PRDM11: variants seen among roughly 807,000 people sequenced by gnomAD.
PRDM11 encodes the protein PR domain-containing protein 11.
PRDM11 carries 20 observed loss-of-function variants against 97.8 expected under a neutral mutation model. That is an observed-to-expected ratio of 0.20 (90% confidence interval 0.14 to 0.30). PRDM11 has a LOEUF of 0.30. PRDM11 is among the 10% of genes least tolerant of loss of function. The pLI is 1.00. For missense variants in PRDM11, 1,139 were observed against 1,555.2 expected, an observed-to-expected ratio of 0.73 and a Z score of 4.50; for synonymous variants, 599 against 637.7, an observed-to-expected ratio of 0.94 and a Z score of 0.91.
At chr11:45,207,657 G>T (rs1853565866) in intron 5 of PRDM11, among the ~76,000 whole-genome samples, 1 of 152,212 alleles carries the variant, frequency 6.6e-6, no homozygotes, top group Non-Finnish European at 1.5e-5. Flanking sequence ...TGGAGAAGGA[G>T]ACTGGGTTCA....
chr11:45,202,268 G>A (rs1010706724), intron 4 of PRDM11, among the ~76,000 whole-genome samples: 3 of 152,262 alleles, frequency 2.0e-5, no homozygotes, highest in Admixed American at 6.5e-5. Context: ...ATTAGCTTAC[G>A]GTCTAGCCAG....
intron 6 of PRDM11, among the ~76,000 whole-genome samples, chr11:45,221,752 TAGGA>T (rs1479623145): frequency 1.3e-5 from 2 of 151,408 alleles, no homozygotes; most frequent in Admixed American, 1.3e-4. Flanking sequence ...CAGTAAGAAA[TAGGA>T]AGGAAATTGA....
At chr11:45,213,343 A>T (rs759806750) in intron 5 of PRDM11, 6 of 454,520 alleles carry the variant, frequency 1.3e-5, no homozygotes, top group Admixed American at 9.4e-5. Flanking sequence ...CCTTGCAGGG[A>T]GGGGGGCGCA....
chr11:45,158,792 C>T (rs1379489292), intron 1 of PRDM11, among the ~76,000 whole-genome samples: 5 of 152,128 alleles, frequency 3.3e-5, no homozygotes, highest in Non-Finnish European at 5.9e-5. Context: ...CCTTGCTTCT[C>T]GGTGCCCCCC....
chr11:45,192,873 A>G (rs979237042), intron 4 of PRDM11, among the ~76,000 whole-genome samples: 39 of 152,252 alleles, frequency 2.6e-4, no homozygotes, highest in Admixed American at 2.1e-3. Context: ...AACATAATAC[A>G]CATTAACAAA....
At chr11:45,208,424 T>G (rs1853592702) in intron 5 of PRDM11, among the ~76,000 whole-genome samples, 1 of 152,198 alleles carries the variant, frequency 6.6e-6, no homozygotes, top group South Asian at 2.1e-4. Flanking sequence ...AAATATCGCT[T>G]TATAGAGGCA....
At chr11:45,132,939 G>A (rs1852751769) in intron 1 of PRDM11, among the ~76,000 whole-genome samples, 4 of 152,182 alleles carry the variant, frequency 2.6e-5, no homozygotes, top group Admixed American at 2.6e-4. Context: ...GCTGTGGAAA[G>A]AGGAGCAACA....
Position 45,134,701 on chromosome 11 carries a change from G to GAAAAAAAAAAAAAAAAAAA in PRDM11, c.96+38807_96+38825dup. Among the ~76,000 whole-genome samples the GAAAAAAAAAAAAAAAAAAA allele has an allele frequency of 1.2e-3, 51 of 44,270 alleles. 3 individuals are homozygous for GAAAAAAAAAAAAAAAAAAA. The highest frequency in any genetic ancestry group is 3.7e-3 in the African/African-American group (35 of 9,406). The allele number at this position is 44,270 out of a possible 152,430, so 29.0% of individuals were successfully genotyped here. On this transcript the variant is annotated intron_variant, in intron 1 of 6. Coordinates refer to the PRDM11 transcript ENST00000530656. ...GCAACAGAGTGAGACCCTGTCTCAC[G>GAAAAAAAAAAAAAAAAAAA]AAAAAAAAAAAAAAAAAAAAAAAAA...
chr11:45,155,367 GCTT>G (rs1249096436), intron 1 of PRDM11, among the ~76,000 whole-genome samples: 1 of 152,216 alleles, frequency 6.6e-6, no homozygotes, highest in Non-Finnish European at 1.5e-5. Flanking sequence ...AAGGAAGTGA[GCTT>G]CTCTTGGGAG....
At chr11:45,190,944 C>A (rs1852892113) in intron 4 of PRDM11, among the ~76,000 whole-genome samples, 1 of 152,112 alleles carries the variant, frequency 6.6e-6, no homozygotes, top group Non-Finnish European at 1.5e-5. Context: ...ATGATTACAC[C>A]CAGGAAATTT....
intron 1 of PRDM11, among the ~76,000 whole-genome samples, chr11:45,158,956 G>A (rs116301186): frequency 0.011 from 1,717 of 152,136 alleles, 37 homozygotes; most frequent in African/African-American, 0.039. Flanking sequence ...GGCTTCTCCC[G>A]GGGACTGTGC....
At chr11:45,168,163 T>C (rs1423828836) in intron 1 of PRDM11, among the ~76,000 whole-genome samples, 1 of 151,782 alleles carries the variant, frequency 6.6e-6, no homozygotes, top group Non-Finnish European at 1.5e-5. Context: ...CAGGGCAGGA[T>C]GGAACAGCGA....
intron 1 of PRDM11, among the ~76,000 whole-genome samples, chr11:45,162,628 A>G (rs1275075557): frequency 3.9e-5 from 6 of 152,202 alleles, no homozygotes; most frequent in African/African-American, 1.4e-4. Context: ...GGGTAGCATC[A>G]TGAGGTAGAT....
rs11038363 is a variant in PRDM11, at chr11:45,230,716, C to A, written c.*2557C>A. ...TCTTCTAGCCAACAGTTGCCTTACA[C>A]CTTACATTGGGTAATGGGTAGGGAG... On this transcript the variant is annotated 3_prime_UTR_variant, in exon 8 of 8. Transcript: ENST00000683152. 0.33 allele frequency: 50,717 copies of A among 152,148 alleles called. 9,807 individuals are homozygous for A. The highest frequency in any genetic ancestry group is 0.44 in the Non-Finnish European group (30,225 of 67,980). The allele number at this position is 152,148 out of a possible 1,614,324, so 9.4% of individuals were successfully genotyped here. A position where few individuals can be genotyped will look rare whatever the true frequency, so the allele number is the denominator to read the frequency against.
At chr11:45,202,373 G>A (rs1460741588) in intron 4 of PRDM11, among the ~76,000 whole-genome samples, 1 of 152,204 alleles carries the variant, frequency 6.6e-6, no homozygotes, top group Non-Finnish European at 1.5e-5. Context: ...ATGTAACAGA[G>A]ATAATGCCAT....
At chr11:45,180,922 C>T (rs950872408) in intron 1 of PRDM11, among the ~76,000 whole-genome samples, 1 of 152,118 alleles carries the variant, frequency 6.6e-6, no homozygotes, top group Non-Finnish European at 1.5e-5. Flanking sequence ...CGCACCCCTC[C>T]CAGTCGCCGC....
intron 1 of PRDM11, among the ~76,000 whole-genome samples, chr11:45,115,942 G>A (rs866061793): frequency 0.02 from 2,691 of 134,098 alleles, 90 homozygotes; most frequent in African/African-American, 0.071. Flanking sequence ...AAAAAAAAAA[G>A]AAAAAAAGAA....
upstream of PRDM11, among the ~76,000 whole-genome samples, chr11:45,143,651 A>G (rs1851450411): frequency 1.3e-5 from 2 of 152,220 alleles, no homozygotes; most frequent in African/African-American, 4.8e-5. Flanking sequence ...AGGCAGACCT[A>G]TGTTTGAATC....
chr11:45,134,187 AGAGT>A (rs60889303), intron 1 of PRDM11, among the ~76,000 whole-genome samples: 121,825 of 151,632 alleles, frequency 0.8, 49,795 homozygotes, highest in Middle Eastern at 0.87. Flanking sequence ...ACATGCAAGG[AGAGT>A]GAGTCAGTGG....
Sources: allele counts gnomAD v4.1 joint callset (sites outside exome capture counted in the v4.1 genomes callset), GRCh38; gene constraint gnomAD v4.1.1; transcripts MANE v1.5; gene names NCBI Gene and HGNC (gene_info 2026-07-23, HGNC 2026-07-21).